The following RBPMS variants were observed in gnomAD, a reference collection of about 807,000 sequenced individuals.
RBPMS encodes the protein RNA binding protein, mRNA processing factor, also known as RNA-binding protein with multiple splicing.
A neutral mutation model predicts 26.8 loss-of-function variants in RBPMS; 7 were observed. The ratio of observed to expected loss-of-function variants is 0.26; its 90% CI spans 0.15 to 0.49. The LOEUF (loss-of-function observed/expected upper bound fraction) is 0.49, where lower values mean the gene tolerates loss of function less well. Among genes scored for constraint, RBPMS ranks in the 20% least tolerant of loss-of-function variants. RBPMS has a pLI of 0.98. For synonymous variants in RBPMS, 96 were observed against 93.3 expected (o/e 1.03, Z -0.17); for missense variants, 186 against 250.0 (o/e 0.74, Z 1.73).
At chr8:30,465,939 T>C (rs1459318132) in intron 1 of RBPMS, among the ~76,000 whole-genome samples, 2 of 152,188 alleles carry the variant, frequency 1.3e-5, no homozygotes, top group African/African-American at 4.8e-5. Flanking sequence ...TCTCTGAACA[T>C]GTCTGAGCAG....
chr8:30,410,430 G>C (rs190832955), intron 1 of RBPMS, among the ~76,000 whole-genome samples: 4 of 152,014 alleles, frequency 2.6e-5, no homozygotes, highest in Middle Eastern at 6.8e-3. Flanking sequence ...GGATGGTCTT[G>C]ATCTCCTGAC....
chr8:30,527,177 G>A (rs1018305943), intron 5 of RBPMS, among the ~76,000 whole-genome samples: 1 of 152,086 alleles, frequency 6.6e-6, no homozygotes, highest in Non-Finnish European at 1.5e-5. Flanking sequence ...TCACTTTCTG[G>A]CAAAACCTTG....
At chr8:30,511,462 A>G (rs1413118057) in intron 5 of RBPMS, among the ~76,000 whole-genome samples, 1 of 50,548 alleles carries the variant, frequency 2.0e-5, no homozygotes, top group Admixed American at 2.6e-4. Context: ...TCTCTTTAAA[A>G]CAAAAAAAGA....
chr8:30,496,295 A>G (rs951356289), intron 4 of RBPMS, among the ~76,000 whole-genome samples: 5 of 151,940 alleles, frequency 3.3e-5, no homozygotes, highest in East Asian at 3.9e-4. Context: ...CAGCCTCCCA[A>G]GTATCTGGGA....
At chr8:30,551,255 G>A (rs1826345652) in intron 6 of RBPMS, among the ~76,000 whole-genome samples, 1 of 152,206 alleles carries the variant, frequency 6.6e-6, no homozygotes, top group South Asian at 2.1e-4. Flanking sequence ...CAGGGTGTTA[G>A]GGAGACGTGT....
chr8:30,487,088 G>T (rs1358402114), intron 4 of RBPMS, among the ~76,000 whole-genome samples: 1 of 152,158 alleles, frequency 6.6e-6, no homozygotes, highest in Non-Finnish European at 1.5e-5. Flanking sequence ...TGAGTTTTTT[G>T]CTAGATCTTG....
intron 4 of RBPMS, among the ~76,000 whole-genome samples, chr8:30,486,467 C>CAA (rs775790893): frequency 2.4e-5 from 3 of 123,564 alleles, no homozygotes; most frequent in East Asian, 2.3e-4. Context: ...ACTAAAAGTA[C>CAA]AAAAAAAAAA....
At chr8:30,527,628 A>G (rs1823733264) in intron 5 of RBPMS, among the ~76,000 whole-genome samples, 1 of 151,904 alleles carries the variant, frequency 6.6e-6, no homozygotes, top group African/African-American at 2.4e-5. Flanking sequence ...TTCATGATCC[A>G]TTTACCAGAC....
chr8:30,542,372 ATC>A (rs745780902), intron 5 of RBPMS, among the ~76,000 whole-genome samples: 19 of 152,240 alleles, frequency 1.2e-4, no homozygotes, highest in Non-Finnish European at 2.4e-4. Context: ...TCTGTTGCTT[ATC>A]TCTTTAGGAT....
chr8:30,446,886 A>C (rs4449748), intron 1 of RBPMS: 1 of 146,700 alleles, frequency 6.8e-6, no homozygotes, highest in Admixed American at 6.8e-5. Flanking sequence ...TAGAGATGGA[A>C]CTTCAGTATT....
chr8:30,512,904 G>A (rs145910734), intron 5 of RBPMS, among the ~76,000 whole-genome samples: 123 of 152,296 alleles, frequency 8.1e-4, no homozygotes, highest in African/African-American at 2.9e-3. Flanking sequence ...AAATAAAAAG[G>A]GGAAGGGGCC....
chr8:30,418,619 C>A (rs56181301), intron 1 of RBPMS, among the ~76,000 whole-genome samples: 1 of 151,890 alleles, frequency 6.6e-6, no homozygotes, highest in Non-Finnish European at 1.5e-5. Context: ...CACTCTGTCA[C>A]CCAGGCTGGA....
At chr8:30,391,733 T>C (rs372761542) in intron 1 of RBPMS, among the ~76,000 whole-genome samples, 2 of 151,986 alleles carry the variant, frequency 1.3e-5, no homozygotes, top group Non-Finnish European at 2.9e-5. Context: ...GCGGTGGAGG[T>C]GGGAGGTCCT....
At chr8:30,420,512 T>A (rs1276787229) in intron 1 of RBPMS, among the ~76,000 whole-genome samples, 1 of 152,142 alleles carries the variant, frequency 6.6e-6, no homozygotes, top group Non-Finnish European at 1.5e-5. Flanking sequence ...AATCACCAAA[T>A]GAAACTGAAG....
intron 1 of RBPMS, among the ~76,000 whole-genome samples, chr8:30,391,731 G>A (rs748390850): frequency 4.6e-5 from 7 of 152,120 alleles, no homozygotes; most frequent in African/African-American, 7.2e-5. Context: ...TGGCGGTGGA[G>A]GTGGGAGGTC....
intron 5 of RBPMS, among the ~76,000 whole-genome samples, chr8:30,527,529 C>G (rs1563412631): frequency 6.6e-6 from 1 of 152,174 alleles, no homozygotes; most frequent in South Asian, 2.1e-4. Flanking sequence ...TCTCGTCACC[C>G]ACTAGCTGGC....
In RBPMS at chr8:30,545,095, AG is replaced by A. The variant is rs1323473814; in HGVS notation, c.528+477del. 5.3e-6 allele frequency: 7 copies of A among 1,332,754 alleles called. 1 individual carries two copies. The African/African-American group carries it at 1.2e-4, about 23-fold the overall frequency. The allele number at this position is 1,332,754 out of a possible 1,614,324, so 82.6% of individuals were successfully genotyped here. On this transcript the variant is annotated intron_variant, in intron 6 of 8. Transcript: ENST00000397323. Reference sequence around the variant, plus strand: ...ATCTCTGACCAAAGGGAAAGCTTCCAGGGGGGAAGGCTGTACTTTCTTAAAT... The same window carrying A: ...ATCTCTGACCAAAGGGAAAGCTTCCAGGGGGAAGGCTGTACTTTCTTAAAT...
intron 7 of RBPMS, chr8:30,565,054 C>CTCCT (rs1475454324): frequency 1.3e-5 from 2 of 152,226 alleles, no homozygotes; most frequent in African/African-American, 4.8e-5. Context: ...CGTGCTCTCC[C>CTCCT]TCCTGTGTGG....
chr8:30,537,325 ACT>A (rs775477154), intron 5 of RBPMS, among the ~76,000 whole-genome samples: 11 of 151,770 alleles, frequency 7.2e-5, no homozygotes, highest in Non-Finnish European at 1.5e-4. Context: ...TGGAAAAGTG[ACT>A]CTGGGCCAGT....
Sources: gnomAD v4.1 joint callset for allele counts (sites outside exome capture counted in the v4.1 genomes callset) on GRCh38, gnomAD v4.1.1 for gene constraint, MANE v1.5 for transcripts, NCBI Gene and HGNC (gene_info 2026-07-23, HGNC 2026-07-21) for gene names.